DIP2C: variants seen among roughly 807,000 people sequenced by gnomAD.
DIP2C encodes disco-interacting protein 2 homolog C.
In DIP2C, 33 loss-of-function variants were observed where a neutral mutation model predicts 192.4. That is an observed-to-expected ratio of 0.17 (90% CI 0.13 to 0.23). The LOEUF is 0.23. Ranked by LOEUF, DIP2C falls within the 10% of genes least tolerant of loss-of-function variation. DIP2C has a pLI of 1.00. For missense variants in DIP2C, 1,537 were observed against 2,110.1 expected (o/e 0.73, Z 5.32); for synonymous variants, 979 against 864.1 (o/e 1.13, Z -2.33).
intron 1 of DIP2C, among the ~76,000 whole-genome samples, chr10:528,432 C>CACT (rs1847183644): frequency 7.3e-6 from 1 of 137,078 alleles, no homozygotes; most frequent in Non-Finnish European, 1.5e-5. Flanking sequence ...GCAGACCGCC[C>CACT]GCTGCTCCCC....
rs1470156561 is a variant in DIP2C at position 319,432 on chromosome 10, C to A, written c.3924+7574G>T. On this transcript the variant is annotated intron_variant, in intron 31 of 36. Transcript: ENST00000280886. Reference sequence around the variant, plus strand: ...TTATGTTTTTTTCCTAATAAATAAACAACCGCGGTCTCTTTTGGAAAACAG... The same window carrying A: ...TTATGTTTTTTTCCTAATAAATAAAAAACCGCGGTCTCTTTTGGAAAACAG... Among the ~76,000 whole-genome samples, 6 of 152,144 alleles carry A rather than the reference C, an allele frequency of 3.9e-5. No homozygotes were observed. The East Asian group carries it at 1.2e-3, about 29-fold the overall frequency.
chr10:298,392 T>TG (rs1294555666), intron 32 of DIP2C, among the ~76,000 whole-genome samples: 1 of 152,222 alleles, frequency 6.6e-6, no homozygotes, highest in African/African-American at 2.4e-5. Flanking sequence ...AAAGCCCCCC[T>TG]GCTCATCACT....
At chr10:376,255 G>A (rs888202660) in intron 17 of DIP2C, among the ~76,000 whole-genome samples, 6 of 151,208 alleles carry the variant, frequency 4.0e-5, no homozygotes, top group South Asian at 2.1e-4. Flanking sequence ...CTCGGCCCCC[G>A]ACAGAGCCGG....
At chr10:355,771 C>G (rs1379119292) in intron 24 of DIP2C, among the ~76,000 whole-genome samples, 1 of 152,126 alleles carries the variant, frequency 6.6e-6, no homozygotes, top group Non-Finnish European at 1.5e-5. Context: ...AACATAACTT[C>G]TGGTGTATAA....
chr10:580,973 CTTAT>C (rs1479093601), intron 1 of DIP2C, among the ~76,000 whole-genome samples: 1 of 152,166 alleles, frequency 6.6e-6, no homozygotes, highest in Non-Finnish European at 1.5e-5. Flanking sequence ...GACAAAGCCT[CTTAT>C]TTAATCGAGT....
At chr10:685,380 T>C (rs556152742) in intron 1 of DIP2C, among the ~76,000 whole-genome samples, 2 of 151,804 alleles carry the variant, frequency 1.3e-5, no homozygotes, top group Non-Finnish European at 2.9e-5. Flanking sequence ...GAGCAGAGCA[T>C]GGAGGATGGA....
chr10:321,324 G>C (rs568464164), intron 31 of DIP2C, among the ~76,000 whole-genome samples: 3 of 152,336 alleles, frequency 2.0e-5, no homozygotes, highest in African/African-American at 7.2e-5. Flanking sequence ...CTCATGAACT[G>C]TGCAGCTCAG....
chr10:591,703 G>A (rs1297436744), intron 1 of DIP2C, among the ~76,000 whole-genome samples: 1 of 152,178 alleles, frequency 6.6e-6, no homozygotes, highest in Non-Finnish European at 1.5e-5. Context: ...ACCAGCTAGG[G>A]ACATGAAGGC....
chr10:401,250 A>G (rs1381826065), intron 9 of DIP2C, among the ~76,000 whole-genome samples: 1 of 151,484 alleles, frequency 6.6e-6, no homozygotes. Flanking sequence ...TCAGCCCATG[A>G]ATCCTATGAT....
At position 344,882 on chromosome 10, in the gene DIP2C, T is replaced by C; in HGVS notation, c.3380A>G (p.Lys1127Arg). ...LPKKRPAQIC[K>R]PCNPDTLAYL... ...TGCAAGAGTGTCTGGGTTGCAAGGT[T>C]TGCAGATCTGGGCAGGCCGCTTCTT... is the stretch of plus-strand genomic sequence containing the variant. The change falls in exon 28 of 37, where the codon AAA becomes AGA. Residue 1127 changes from lysine (K) to arginine (R), a missense_variant. Around this residue, in one of 4 missense-constraint regions of DIP2C, gnomAD observed 46 missense variants for 28.9 expected, o/e 1.59. Coordinates refer to ENST00000280886, the MANE Select transcript of DIP2C (RefSeq NM_014974.3). 1 of 1,607,992 alleles carries C rather than the reference T, an allele frequency of 6.2e-7. No homozygotes were observed.
intron 17 of DIP2C, among the ~76,000 whole-genome samples, chr10:372,699 C>G (rs542646419): frequency 1.8e-3 from 269 of 149,134 alleles, no homozygotes; most frequent in African/African-American, 5.5e-3. Flanking sequence ...CGACACACAG[C>G]CAGGCACAGA....
At chr10:581,248 A>C (rs1241714974) in intron 1 of DIP2C, among the ~76,000 whole-genome samples, 1 of 152,170 alleles carries the variant, frequency 6.6e-6, no homozygotes, top group Non-Finnish European at 1.5e-5. Context: ...AAAACAACAA[A>C]AACAGCCCAT....
At position 689,474 on chromosome 10, in the gene DIP2C, C is replaced by T. The variant is rs1831466000; in HGVS notation, c.85+20G>A. 3 of 1,176,926 alleles carry T rather than the reference C, an allele frequency of 2.5e-6. No homozygotes were observed. Among genetic ancestry groups the T allele is most frequent in the Admixed American group, 7.1e-5 (2 of 28,016 alleles). The allele number at this position is 1,176,926 out of a possible 1,614,324, so 72.9% of individuals were successfully genotyped here. A position where few individuals can be genotyped will look rare whatever the true frequency, so the allele number is the denominator to read the frequency against. ...TCCCCGGTGACAGCGCGGCCCGGCCCGGGGCGGGGGCCCGGTTACCTTCCG... is the reference window on the plus strand; with the variant it reads ...TCCCCGGTGACAGCGCGGCCCGGCCTGGGGCGGGGGCCCGGTTACCTTCCG... On this transcript the variant is annotated intron_variant, in intron 1 of 36. Transcript: ENST00000280886. The surrounding 1 kb of genome is among the most constrained non-coding windows in gnomAD (Gnocchi z 6.1).
intron 1 of DIP2C, chr10:630,667 C>CT (rs1854464501): frequency 2.0e-5 from 3 of 152,294 alleles, no homozygotes; most frequent in Admixed American, 2.0e-4. Flanking sequence ...GGGCTGCGTC[C>CT]CGGGGCCGTG....
At chr10:304,416 GACACGAGCTCC>G (rs1956208082) in intron 32 of DIP2C, among the ~76,000 whole-genome samples, 1 of 152,102 alleles carries the variant, frequency 6.6e-6, no homozygotes, top group African/African-American at 2.4e-5. Context: ...TCAGCAAAGG[GACACGAGCTCC>G]ACAGACAGCC....
At chr10:401,267 T>G (rs1025793093) in intron 9 of DIP2C, among the ~76,000 whole-genome samples, 2 of 150,368 alleles carry the variant, frequency 1.3e-5, no homozygotes, top group African/African-American at 4.9e-5. Flanking sequence ...TGATTTTACA[T>G]GTGGGGTAGC....
intron 1 of DIP2C, among the ~76,000 whole-genome samples, chr10:577,003 G>A (rs994259807): frequency 2.6e-5 from 4 of 152,118 alleles, no homozygotes; most frequent in African/African-American, 7.2e-5. Flanking sequence ...TCATTAGCTG[G>A]TAGTTGATCC....
intron 32 of DIP2C, among the ~76,000 whole-genome samples, chr10:290,353 GA>G (rs755885575): frequency 2.6e-5 from 4 of 152,220 alleles, no homozygotes; most frequent in Non-Finnish European, 5.9e-5. Context: ...AGAAACTAAA[GA>G]ACTTTTAGGA....
Position 651,042 on chromosome 10 carries a change from T to A in DIP2C, c.85+38452A>T. ...GCCCCCGTTTCTGCAGAAGCCCCTT[T>A]CCATCCTAGCCCCTGCCACCCCTCC... On this transcript the variant is annotated intron_variant, in intron 1 of 36. Coordinates refer to ENST00000280886, the MANE Select transcript of DIP2C (RefSeq NM_014974.3). This position sits in a 1 kb window ranked among gnomAD's most constrained non-coding sequence, Gnocchi z 4.1. The A allele has an allele frequency of 1.4e-6, 1 of 717,338 alleles. No individual in the cohort carries two copies. Among genetic ancestry groups the A allele is most frequent in the South Asian group, 1.5e-5 (1 of 67,590 alleles). 44.4% of individuals were successfully genotyped at this position (717,338 alleles called of 1,614,324 possible). A position where few individuals can be genotyped will look rare whatever the true frequency, so the allele number is the denominator to read the frequency against.
Sources: gnomAD v4.1 joint callset for allele counts (sites outside exome capture counted in the v4.1 genomes callset) on GRCh38, gnomAD v4.1.1 for gene constraint, gnomAD v4.1.1 regional missense constraint, Gnocchi (gnomAD v3.1) non-coding constraint, MANE v1.5 for transcripts, NCBI Gene and HGNC (gene_info 2026-07-23, HGNC 2026-07-21) for gene names.